The following BRAF variants were observed in gnomAD, a reference collection of about 807,000 sequenced individuals.
BRAF encodes B-Raf proto-oncogene, serine/threonine kinase, also known as serine/threonine-protein kinase B-raf.
In BRAF, 16 loss-of-function variants were observed where a neutral mutation model predicts 104.6. The ratio of observed to expected loss-of-function variants is 0.15; its 90% CI spans 0.10 to 0.23. The LOEUF (loss-of-function observed/expected upper bound fraction) is 0.23, where lower values mean the gene tolerates loss of function less well. Ranked by LOEUF, BRAF falls within the 10% of genes least tolerant of loss-of-function variation. The pLI, the probability that BRAF is intolerant of heterozygous loss-of-function variation, is 1.00. For synonymous variants in BRAF, 310 were observed against 341.6 expected (o/e 0.91, Z 1.02); for missense variants, 541 against 937.3 (o/e 0.58, Z 5.52).
At chr7:140,919,338 T>G (rs1296273208) in intron 1 of BRAF, among the ~76,000 whole-genome samples, 1 of 152,010 alleles carries the variant, frequency 6.6e-6, no homozygotes, top group Non-Finnish European at 1.5e-5. Flanking sequence ...CCAGAAGATA[T>G]AAAGTTAATT....
intron 1 of BRAF, among the ~76,000 whole-genome samples, chr7:140,851,884 T>G (rs529858793): frequency 6.6e-6 from 1 of 152,376 alleles, no homozygotes; most frequent in African/African-American, 2.4e-5. Context: ...CACTCCCTTT[T>G]ATTCTATTGA....
chr7:140,770,003 G>A (rs1393739836), intron 14 of BRAF, among the ~76,000 whole-genome samples: 1 of 152,126 alleles, frequency 6.6e-6, no homozygotes, highest in Non-Finnish European at 1.5e-5. Flanking sequence ...CCAGAATGCT[G>A]TTAAGGTGGC....
At chr7:140,715,036 T>G (rs1296660820), downstream of BRAF, among the ~76,000 whole-genome samples, 1 of 151,832 alleles carries the variant, frequency 6.6e-6, no homozygotes, top group Non-Finnish European at 1.5e-5. Flanking sequence ...GAGGAGAGGG[T>G]GGGACTAGAT....
chr7:140,902,955 G>A (rs944488795), intron 1 of BRAF, among the ~76,000 whole-genome samples: 6 of 134,128 alleles, frequency 4.5e-5, no homozygotes, highest in South Asian at 2.3e-4. Context: ...ATGGAGTTTC[G>A]CTCTTTTTGC....
intron 15 of BRAF, 86 bp from the exon 15 acceptor site, chr7:140,753,479 T>C (rs2128998747): frequency 1.2e-6 from 1 of 864,014 alleles, no homozygotes. Context: ...AGAGATCTAA[T>C]TTCTATAATT....
intron 1 of BRAF, among the ~76,000 whole-genome samples, chr7:140,907,153 G>A (rs186138930): frequency 1.1e-4 from 16 of 152,114 alleles, no homozygotes; most frequent in African/African-American, 3.9e-4. Context: ...TGTCTCCCAG[G>A]CAATGAACTC....
intron 1 of BRAF, among the ~76,000 whole-genome samples, chr7:140,885,322 A>T (rs947406509): frequency 6.6e-6 from 1 of 152,150 alleles, no homozygotes; most frequent in Non-Finnish European, 1.5e-5. Flanking sequence ...CTTTAAAAAA[A>T]AAAATTTTTT....
At chr7:140,874,741 G>A (rs944526568) in intron 1 of BRAF, among the ~76,000 whole-genome samples, 4 of 151,986 alleles carry the variant, frequency 2.6e-5, no homozygotes, top group Admixed American at 2.0e-4. Context: ...CAGGTGATAT[G>A]GTTTGAATCT....
In BRAF at chr7:140,874,532, TAA is replaced by T. The variant is rs71659759; in HGVS notation, c.139-24322_139-24321del. Among the ~76,000 whole-genome samples, 48 of 80,888 alleles carry T rather than the reference TAA, an allele frequency of 5.9e-4. 1 individual carries two copies. Among genetic ancestry groups the T allele is most frequent in the South Asian group, 1.9e-3 (6 of 3,088 alleles). 53.1% of individuals were successfully genotyped at this position (80,888 alleles called of 152,430 possible). ...AGTTTACTTTTTAAAAGAAAAAAAG[TAA>T]AAAAAAAAAAAAAAAAAGGCAAAGA... On this transcript the variant is annotated intron_variant, in intron 1 of 19. Transcript: ENST00000644969.
At chr7:140,758,524 A>G (rs1283021859) in intron 14 of BRAF, among the ~76,000 whole-genome samples, 1 of 151,904 alleles carries the variant, frequency 6.6e-6, no homozygotes, top group Non-Finnish European at 1.5e-5. Context: ...GCATGATCAC[A>G]GCTCACTGCA....
At chr7:140,863,768 C>T (rs138422670) in intron 1 of BRAF, among the ~76,000 whole-genome samples, 4 of 152,310 alleles carry the variant, frequency 2.6e-5, no homozygotes, top group African/African-American at 7.2e-5. Context: ...ATGTAAGACG[C>T]ACCTGCTCCT....
At chr7:140,798,135 C>A (rs1267405755) in intron 7 of BRAF, among the ~76,000 whole-genome samples, 5 of 152,096 alleles carry the variant, frequency 3.3e-5, no homozygotes, top group Non-Finnish European at 7.4e-5. Flanking sequence ...AAAGATTTCT[C>A]TAGGTAGAAA....
chr7:140,846,571 A>G (rs1808565203), intron 2 of BRAF, among the ~76,000 whole-genome samples: 1 of 152,138 alleles, frequency 6.6e-6, no homozygotes, highest in African/African-American at 2.4e-5. Flanking sequence ...TCAGTTTTGG[A>G]TGATAAAATT....
rs111607002 is a variant in BRAF, at chr7:140,829,703, C to T, written c.504+4906G>A. On this transcript the variant is annotated intron_variant, in intron 3 of 19. Transcript: ENST00000644969. ...GAAAACGATCCAGTTTTCATTCTCC[C>T]GCAGATTACCAGTTTATCTTTCTGA... 7.9e-3 allele frequency among the ~76,000 whole-genome samples: 1,200 copies of T among 152,260 alleles called. 19 individuals carry two copies. Among genetic ancestry groups the T allele is most frequent in the African/African-American group, 0.027 (1,108 of 41,534 alleles).
intron 1 of BRAF, among the ~76,000 whole-genome samples, chr7:140,858,934 C>A (rs1810095319): frequency 6.6e-6 from 1 of 151,960 alleles, no homozygotes; most frequent in Non-Finnish European, 1.5e-5. Context: ...AATCTACAAA[C>A]CATCAGGGCT....
chr7:140,765,582 A>T (rs1360733228), intron 14 of BRAF, among the ~76,000 whole-genome samples: 23 of 152,044 alleles, frequency 1.5e-4, no homozygotes, highest in South Asian at 2.1e-4. Flanking sequence ...GAATCTACAA[A>T]GAACTCAAAC....
At chr7:140,733,778 C>T (rs760205305) in intron 19 of BRAF, 1 of 161,590 alleles carries the variant, frequency 6.2e-6, no homozygotes, top group Non-Finnish European at 1.3e-5. Context: ...AAAGTTCTCA[C>T]AGAATTCTGT....
At chr7:140,797,239 A>G (rs1025629094) in intron 7 of BRAF, among the ~76,000 whole-genome samples, 5 of 152,196 alleles carry the variant, frequency 3.3e-5, no homozygotes, top group Non-Finnish European at 5.9e-5. Flanking sequence ...AGAATATTTA[A>G]AAGTTTTGAA....
At chr7:140,812,064 A>T in intron 3 of BRAF, among the ~76,000 whole-genome samples, 1 of 152,228 alleles carries the variant, frequency 6.6e-6, no homozygotes, top group Non-Finnish European at 1.5e-5. Flanking sequence ...AAATCTTTCT[A>T]AAGAAGGCAT....
Sources: allele counts gnomAD v4.1 joint callset (sites outside exome capture counted in the v4.1 genomes callset), GRCh38; gene constraint gnomAD v4.1.1; transcripts MANE v1.5; gene names NCBI Gene and HGNC (gene_info 2026-07-23, HGNC 2026-07-21).